Variants in SFSWAP observed in about 807,000 individuals in gnomAD.
SFSWAP encodes the protein splicing factor SWAP.
A neutral mutation model predicts 100.7 loss-of-function variants in SFSWAP; 17 were observed. The ratio of observed to expected loss-of-function variants is 0.17; its 90% confidence interval spans 0.12 to 0.25. SFSWAP has a LOEUF of 0.25. Ranked by LOEUF, SFSWAP falls within the 10% of genes least tolerant of loss-of-function variation. The probability of loss-of-function intolerance (pLI) is 1.00; values close to 1 mark genes in which losing one functional copy is unlikely to be tolerated. For synonymous variants in SFSWAP, 504 were observed against 510.1 expected (o/e 0.99, Z 0.16); for missense variants, 1,005 against 1,262.6 (o/e 0.80, Z 3.09).
At chr12:131,785,489 A>C in intron 14 of SFSWAP, 1 of 360,682 alleles carries the variant, frequency 2.8e-6, no homozygotes, top group Non-Finnish European at 5.0e-6. Context: ...ATGAGTTGTC[A>C]TGGAAACAAA....
intron 11 of SFSWAP, among the ~76,000 whole-genome samples, chr12:131,760,985 T>A (rs1175351243): frequency 6.6e-6 from 1 of 152,118 alleles, no homozygotes; most frequent in Non-Finnish European, 1.5e-5. Flanking sequence ...GGCAGGAGAA[T>A]CGCTTGAAAC....
chr12:131,779,171 G>A (rs1474548442), intron 14 of SFSWAP, among the ~76,000 whole-genome samples: 2 of 149,746 alleles, frequency 1.3e-5, no homozygotes, highest in South Asian at 2.1e-4. Context: ...GAGATGCAGC[G>A]ACGGTGAGTG....
chr12:131,785,726 G>A (rs369791089), intron 14 of SFSWAP: 1 of 153,754 alleles, frequency 6.5e-6, no homozygotes, highest in East Asian at 1.9e-4. Context: ...GGCACATGAG[G>A]AGGAGGAATC....
intron 15 of SFSWAP, among the ~76,000 whole-genome samples, chr12:131,795,708 G>A (rs1885589480): frequency 6.6e-6 from 1 of 151,806 alleles, no homozygotes; most frequent in Non-Finnish European, 1.5e-5. Flanking sequence ...AGGCCAGGCT[G>A]GGAAGGGGCT....
At chr12:131,777,498 A>G (rs1157129233) in intron 13 of SFSWAP, among the ~76,000 whole-genome samples, 1 of 152,206 alleles carries the variant, frequency 6.6e-6, no homozygotes, top group East Asian at 1.9e-4. Flanking sequence ...GCTGCATAGT[A>G]TTCCATGGTG....
intron 7 of SFSWAP, among the ~76,000 whole-genome samples, chr12:131,749,113 T>C (rs182259057): frequency 3.3e-5 from 5 of 152,232 alleles, no homozygotes; most frequent in Non-Finnish European, 2.9e-5. Flanking sequence ...TGTTAGATGA[T>C]GTCATCCAGC....
intron 3 of SFSWAP, among the ~76,000 whole-genome samples, chr12:131,717,736 G>T (rs1878061243): frequency 3.3e-5 from 5 of 151,970 alleles, no homozygotes; most frequent in African/African-American, 1.2e-4. Context: ...AATTTACTTT[G>T]TTTTACTTTT....
chr12:131,775,484 T>C (rs1593176451), intron 13 of SFSWAP, among the ~76,000 whole-genome samples: 1 of 152,290 alleles, frequency 6.6e-6, no homozygotes, highest in Middle Eastern at 3.4e-3. Flanking sequence ...ATTTTTTTAG[T>C]GCATCAGCTG....
intron 7 of SFSWAP, among the ~76,000 whole-genome samples, chr12:131,741,659 A>C (rs868178307): frequency 9.2e-5 from 14 of 151,910 alleles, no homozygotes; most frequent in Non-Finnish European, 1.8e-4. Context: ...AAAAAAAAAA[A>C]ACAGTAAACA....
At chr12:131,731,885 A>G (rs1209422099) in intron 7 of SFSWAP, among the ~76,000 whole-genome samples, 1 of 120,592 alleles carries the variant, frequency 8.3e-6, no homozygotes, top group South Asian at 2.8e-4. Flanking sequence ...GTTTTTGAGT[A>G]TGCATTACTA....
At chr12:131,724,364 C>T (rs544695097) in intron 4 of SFSWAP, among the ~76,000 whole-genome samples, 5 of 152,240 alleles carry the variant, frequency 3.3e-5, no homozygotes, top group African/African-American at 9.6e-5. Context: ...AAATCCAAGT[C>T]GTGGACATGC....
intron 11 of SFSWAP, among the ~76,000 whole-genome samples, chr12:131,760,664 T>TA (rs991864230): frequency 3.6e-4 from 55 of 151,704 alleles, no homozygotes; most frequent in Admixed American, 2.1e-3. Flanking sequence ...TTTTTAAAAT[T>TA]AAAAAAAAAC....
chr12:131,788,381 A>G (rs1885035923), intron 15 of SFSWAP, among the ~76,000 whole-genome samples: 1 of 152,200 alleles, frequency 6.6e-6, no homozygotes, highest in Admixed American at 6.5e-5. Flanking sequence ...TGCAAACCAA[A>G]GTCTGCGGAG....
chr12:131,748,678 G>A (rs1881354515), intron 7 of SFSWAP, among the ~76,000 whole-genome samples: 1 of 152,184 alleles, frequency 6.6e-6, no homozygotes, highest in Admixed American at 6.5e-5. Flanking sequence ...AGATAATTAG[G>A]CAGATTTCTC....
intron 11 of SFSWAP, among the ~76,000 whole-genome samples, chr12:131,760,679 A>C (rs1240550040): frequency 6.6e-6 from 1 of 152,194 alleles, no homozygotes; most frequent in Non-Finnish European, 1.5e-5. Flanking sequence ...AAAAACTTGG[A>C]AACAGTTATG....
rs77365553 is a variant in SFSWAP, at chr12:131,798,174, C to T, written c.2717+814C>T. Among the ~76,000 whole-genome samples the T allele has an allele frequency of 6.6e-3, 1,009 of 152,182 alleles. 6 individuals are homozygous for T. The highest frequency in any genetic ancestry group is 9.5e-3 in the Non-Finnish European group (647 of 68,006). ...TTGTCTCTACTAAAAATAGGTGGCA[C>T]GCGTCTGTAATCCCAGCTACTCAGG... On this transcript the variant is annotated intron_variant, in intron 16 of 17. Coordinates refer to ENST00000261674, the MANE Select transcript of SFSWAP (RefSeq NM_004592.4).
intron 10 of SFSWAP, among the ~76,000 whole-genome samples, chr12:131,756,186 A>G (rs569392523): frequency 2.0e-5 from 3 of 152,376 alleles, no homozygotes; most frequent in African/African-American, 7.2e-5. Context: ...AATTCTGAGT[A>G]ATCAGTGTCC....
intron 16 of SFSWAP, among the ~76,000 whole-genome samples, chr12:131,797,825 G>A (rs1885794290): frequency 6.6e-6 from 1 of 152,264 alleles, no homozygotes; most frequent in Non-Finnish European, 1.5e-5. Flanking sequence ...CCAGTCCCGG[G>A]CTAGGTGATA....
chr12:131,763,194 AG>A (rs768235153), intron 11 of SFSWAP, among the ~76,000 whole-genome samples: 13 of 152,184 alleles, frequency 8.5e-5, no homozygotes, highest in Non-Finnish European at 1.8e-4. Flanking sequence ...CTAAAGCGGA[AG>A]GACCTCCGCC....
Sources: allele counts gnomAD v4.1 joint callset (sites outside exome capture counted in the v4.1 genomes callset), GRCh38; gene constraint gnomAD v4.1.1; transcripts MANE v1.5; gene names NCBI Gene and HGNC (gene_info 2026-07-23, HGNC 2026-07-21).